The following MLPH variants were observed in gnomAD, a reference collection of about 807,000 sequenced individuals.
MLPH encodes the protein exophilin-3.
Under a neutral mutation model 72.1 loss-of-function variants are expected in MLPH, and 51 were observed. That is an observed-to-expected ratio of 0.71 (90% CI 0.56 to 0.89). MLPH has a LOEUF of 0.89. MLPH is among the 40% of genes least tolerant of loss of function. The probability of loss-of-function intolerance (pLI) is 0.00; values close to 1 mark genes in which losing one functional copy is unlikely to be tolerated. For synonymous variants in MLPH, 301 were observed against 310.1 expected (o/e 0.97, Z 0.31); for missense variants, 743 against 759.9 (o/e 0.98, Z 0.26).
At chr2:237,502,598 C>T (rs188461468) in intron 2 of MLPH, among the ~76,000 whole-genome samples, 26 of 152,254 alleles carry the variant, frequency 1.7e-4, no homozygotes, top group Admixed American at 2.6e-4. Flanking sequence ...CATGCATAGC[C>T]GGACTTGGGT....
chr2:237,512,816 G>A lies in MLPH; in HGVS notation c.445+1715G>A, dbSNP rs2079933734. Among the ~76,000 whole-genome samples the A allele has an allele frequency of 6.6e-6, 1 of 152,184 alleles. No homozygotes were observed. On this transcript the variant is annotated intron_variant, in intron 4 of 15. Coordinates refer to ENST00000264605, the MANE Select transcript of MLPH (RefSeq NM_024101.7). The surrounding 1 kb of genome is among the most constrained non-coding windows in gnomAD (Gnocchi z 5.5). ...TTAGGGACTGGGGTGGGCTCAGGAA[G>A]CTGTATTATTTCAAAGGACGCAGTG... is the stretch of plus-strand genomic sequence containing the variant.
intron 1 of MLPH, among the ~76,000 whole-genome samples, chr2:237,492,051 G>A (rs2079438624): frequency 6.6e-6 from 1 of 152,248 alleles, no homozygotes; most frequent in Admixed American, 6.5e-5. Context: ...TTCTGAATGA[G>A]TAGGTCTGGG....
At chr2:237,525,896 A>G (rs1319706700) in intron 7 of MLPH, 91 bp downstream of exon 7, 4 of 1,263,808 alleles carry the variant, frequency 3.2e-6, no homozygotes, top group Non-Finnish European at 4.5e-6. Flanking sequence ...CCTATCCAAC[A>G]CACGGGCTGA....
rs2106292662 is a variant in MLPH, at chr2:237,510,917, G to T, written c.333-72G>T. 1 of 1,503,556 alleles carries T rather than the reference G, an allele frequency of 6.7e-7. No homozygotes were observed. The highest frequency in any genetic ancestry group is 9.3e-7 in the Non-Finnish European group (1 of 1,080,530). The allele number at this position is 1,503,556 out of a possible 1,614,324, so 93.1% of individuals were successfully genotyped here. ...CACACACTCGTGTGTGTGTGTGTGT[G>T]TGTGTGTGAGATTTATGCAGGCCTG... On this transcript the variant is annotated intron_variant, in intron 3 of 15. Coordinates refer to ENST00000264605, the MANE Select transcript of MLPH (RefSeq NM_024101.7). This position sits in a 1 kb window ranked among gnomAD's most constrained non-coding sequence, Gnocchi z 4.4.
chr2:237,508,105 C>A (rs1407346713), intron 2 of MLPH, among the ~76,000 whole-genome samples: 1 of 150,770 alleles, frequency 6.6e-6, no homozygotes, highest in East Asian at 1.9e-4. Context: ...ACTGTTTTTT[C>A]TTCTCATTTC....
intron 8 of MLPH, among the ~76,000 whole-genome samples, chr2:237,530,851 C>G (rs1320201): frequency 0.15 from 23,137 of 152,198 alleles, 1,972 homozygotes; most frequent in South Asian, 0.31. Flanking sequence ...GGACTTGAAA[C>G]CTGCAGGTAT....
At chr2:237,502,001 T>C (rs2079662174) in intron 2 of MLPH, among the ~76,000 whole-genome samples, 1 of 152,172 alleles carries the variant, frequency 6.6e-6, no homozygotes, top group East Asian at 1.9e-4. Flanking sequence ...ATTTGAAGCT[T>C]ATGTGTAGAA....
At chr2:237,503,434 C>G (rs535548372) in intron 2 of MLPH, among the ~76,000 whole-genome samples, 7 of 152,280 alleles carry the variant, frequency 4.6e-5, no homozygotes, top group African/African-American at 1.7e-4. Context: ...GAGTGAGTTT[C>G]CAGCTCCCTC....
intron 1 of MLPH, among the ~76,000 whole-genome samples, chr2:237,488,232 G>A (rs191111925): frequency 1.3e-5 from 2 of 152,292 alleles, no homozygotes; most frequent in East Asian, 3.9e-4. Flanking sequence ...GACAGTCGGG[G>A]GAGAGCAAGG....
chr2:237,507,083 T>TTTTTTTTTTTTTTTTTTA (rs2079793233), intron 2 of MLPH, among the ~76,000 whole-genome samples: 1 of 141,598 alleles, frequency 7.1e-6, no homozygotes. Flanking sequence ...TTTTTTTTTT[T>TTTTTTTTTTTTTTTTTTA]GAGACAAAGT....
intron 12 of MLPH, chr2:237,545,567 T>C: frequency 7.8e-7 from 1 of 1,288,038 alleles, no homozygotes; most frequent in Non-Finnish European, 1.0e-6. Context: ...CATGTGGAAA[T>C]CCTTAGTCCG....
In MLPH at chr2:237,553,995, G is replaced by C. The variant is rs1019922891; in HGVS notation, c.*403G>C. On this transcript the variant is annotated 3_prime_UTR_variant, in exon 16 of 16. Coordinates refer to ENST00000264605, the MANE Select transcript of MLPH (RefSeq NM_024101.7). ...AAAAGATGACTCAGTTAAGGCACCA[G>C]CCATATGTGTATTCTTGATGGTCTA... 4.9e-5 allele frequency: 18 copies of C among 367,240 alleles called. No individual in the cohort carries two copies. Among genetic ancestry groups the C allele is most frequent in the African/African-American group, 3.8e-4 (18 of 47,586 alleles). The allele number at this position is 367,240 out of a possible 1,614,324, so 22.7% of individuals were successfully genotyped here. A position where few individuals can be genotyped will look rare whatever the true frequency, so the allele number is the denominator to read the frequency against.
chr2:237,536,872 C>T (rs1294467327), intron 9 of MLPH, among the ~76,000 whole-genome samples: 1 of 152,162 alleles, frequency 6.6e-6, no homozygotes, highest in Non-Finnish European at 1.5e-5. Context: ...AAAGGGCAGC[C>T]ACCCTCGCTC....
intron 4 of MLPH, among the ~76,000 whole-genome samples, chr2:237,514,160 T>A (rs537232262): frequency 6.6e-6 from 1 of 152,316 alleles, no homozygotes; most frequent in East Asian, 1.9e-4. Flanking sequence ...CTGCCTGGAT[T>A]CTTCTTGGCC....
At chr2:237,511,193 C>A (rs115435272) in intron 4 of MLPH, 92 bp downstream of exon 4, 2 of 949,390 alleles carry the variant, frequency 2.1e-6, no homozygotes, top group African/African-American at 1.6e-5. Flanking sequence ...TGTGTGTGTA[C>A]GTGTGTGTGT....
intron 2 of MLPH, among the ~76,000 whole-genome samples, chr2:237,497,856 C>T (rs1407822550): frequency 2.0e-5 from 3 of 152,190 alleles, no homozygotes; most frequent in Admixed American, 6.5e-5. Context: ...TGTCTGCTCC[C>T]GGTCACCGAG....
At chr2:237,543,046 G>C (rs187609553) in intron 12 of MLPH, among the ~76,000 whole-genome samples, 1 of 68,838 alleles carries the variant, frequency 1.5e-5, no homozygotes, top group Non-Finnish European at 2.8e-5. Flanking sequence ...GTGAGTGGGG[G>C]GACAGTGGTG....
At chr2:237,504,351 G>T (rs982644940) in intron 2 of MLPH, among the ~76,000 whole-genome samples, 4 of 151,452 alleles carry the variant, frequency 2.6e-5, no homozygotes, top group Non-Finnish European at 5.9e-5. Context: ...CAAGTAGCTG[G>T]GATTACAGGT....
chr2:237,532,962 C>T (rs973272110), intron 8 of MLPH, among the ~76,000 whole-genome samples: 18 of 152,188 alleles, frequency 1.2e-4, no homozygotes, highest in African/African-American at 1.7e-4. Flanking sequence ...TTCTGCAGCC[C>T]GGCAGGCCCG....
Sources: allele counts gnomAD v4.1 joint callset (sites outside exome capture counted in the v4.1 genomes callset), GRCh38; gene constraint gnomAD v4.1.1; non-coding constraint Gnocchi (gnomAD v3.1); transcripts MANE v1.5; gene names NCBI Gene and HGNC (gene_info 2026-07-23, HGNC 2026-07-21).